MAN1A1: variants seen among roughly 807,000 people sequenced by gnomAD.
MAN1A1 encodes the protein mannosidase alpha class 1A member 1.
MAN1A1 carries 29 observed loss-of-function variants against 70.8 expected under a neutral mutation model. The ratio of observed to expected loss-of-function variants is 0.41; its 90% CI spans 0.31 to 0.56. The LOEUF (loss-of-function observed/expected upper bound fraction) is 0.56, where lower values mean the gene tolerates loss of function less well. Among genes scored for constraint, MAN1A1 ranks in the 20% least tolerant of loss-of-function variants. The probability of loss-of-function intolerance (pLI) is 0.29; values close to 1 mark genes in which losing one functional copy is unlikely to be tolerated. For synonymous variants in MAN1A1, 349 were observed against 330.1 expected (o/e 1.06, Z -0.62); for missense variants, 747 against 841.3 (o/e 0.89, Z 1.39).
intron 6 of MAN1A1, among the ~76,000 whole-genome samples, chr6:119,241,283 A>G (rs918474105): frequency 1.9e-4 from 29 of 152,292 alleles, no homozygotes; most frequent in African/African-American, 7.0e-4. Flanking sequence ...ACTATTAATG[A>G]AAGTAAACAA....
upstream of MAN1A1, among the ~76,000 whole-genome samples, chr6:119,349,997 A>G (rs1250565201): frequency 6.6e-6 from 1 of 151,944 alleles, no homozygotes; most frequent in East Asian, 1.9e-4. Flanking sequence ...CGCGGTGAGG[A>G]GGACGGTCGA....
At chr6:119,337,382 C>T (rs1773481906) in intron 2 of MAN1A1, among the ~76,000 whole-genome samples, 1 of 152,206 alleles carries the variant, frequency 6.6e-6, no homozygotes, top group Non-Finnish European at 1.5e-5. Context: ...CGAAATCACA[C>T]TTAACCTGAG....
intron 2 of MAN1A1, 145 bp from the exon 3 acceptor site, chr6:119,307,137 A>G: frequency 1.7e-6 from 1 of 578,194 alleles, no homozygotes; most frequent in Non-Finnish European, 3.1e-6. Context: ...GATTATATAA[A>G]CCAGAACACA....
intron 6 of MAN1A1, among the ~76,000 whole-genome samples, chr6:119,213,216 C>T (rs1774100814): frequency 6.6e-6 from 1 of 152,076 alleles, no homozygotes; most frequent in South Asian, 2.1e-4. Context: ...AAGTAATGCA[C>T]AAATAAAAAT....
intron 6 of MAN1A1, among the ~76,000 whole-genome samples, chr6:119,230,052 C>T (rs892903746): frequency 1.3e-5 from 2 of 152,106 alleles, no homozygotes; most frequent in Admixed American, 1.3e-4. Flanking sequence ...CAGATGATCT[C>T]AAATGAAATC....
intron 2 of MAN1A1, among the ~76,000 whole-genome samples, chr6:119,322,861 C>T (rs1773051463): frequency 1.3e-5 from 2 of 152,178 alleles, no homozygotes; most frequent in African/African-American, 4.8e-5. Flanking sequence ...AACTAGTTTT[C>T]AACCGCTACG....
chr6:119,310,240 C>G (rs747365209), intron 2 of MAN1A1, among the ~76,000 whole-genome samples: 1 of 152,208 alleles, frequency 6.6e-6, no homozygotes, highest in African/African-American at 2.4e-5. Flanking sequence ...TAGAACTACT[C>G]TTAGCAAATA....
intron 5 of MAN1A1, among the ~76,000 whole-genome samples, chr6:119,279,699 C>G (rs921680044): frequency 6.6e-6 from 1 of 152,194 alleles, no homozygotes; most frequent in African/African-American, 2.4e-5. Flanking sequence ...AATAAGTTAC[C>G]TACTTGTATT....
At chr6:119,227,178 C>T (rs1043914925) in intron 6 of MAN1A1, among the ~76,000 whole-genome samples, 5 of 152,112 alleles carry the variant, frequency 3.3e-5, no homozygotes, top group African/African-American at 1.2e-4. Context: ...CAGCAGAGTA[C>T]ATATTGCACA....
At chr6:119,252,918 AACT>A (rs1176410939) in intron 5 of MAN1A1, among the ~76,000 whole-genome samples, 1 of 152,164 alleles carries the variant, frequency 6.6e-6, no homozygotes, top group Admixed American at 6.5e-5. Context: ...ATCCTCTTAC[AACT>A]ACATCGGAAG....
chr6:119,190,859 A>C (rs1773422074), intron 9 of MAN1A1, among the ~76,000 whole-genome samples: 1 of 152,222 alleles, frequency 6.6e-6, no homozygotes, highest in Admixed American at 6.5e-5. Context: ...GCTAATCTCC[A>C]ATTACTCTAA....
chr6:119,303,163 T>G (rs981988095), intron 3 of MAN1A1, among the ~76,000 whole-genome samples: 1 of 152,082 alleles, frequency 6.6e-6, no homozygotes, highest in African/African-American at 2.4e-5. Context: ...GGATTATACG[T>G]GTGTGCCACC....
At chr6:119,256,065 G>T (rs1406120003) in intron 5 of MAN1A1, among the ~76,000 whole-genome samples, 2 of 152,066 alleles carry the variant, frequency 1.3e-5, no homozygotes, top group Non-Finnish European at 1.5e-5. Context: ...AAAGCACAGA[G>T]ATCTTCCCAA....
intron 5 of MAN1A1, among the ~76,000 whole-genome samples, chr6:119,250,495 A>G (rs763093281): frequency 6.6e-6 from 1 of 152,240 alleles, no homozygotes; most frequent in Non-Finnish European, 1.5e-5. Context: ...AAGTTATTAT[A>G]TTTAAAGACT....
intron 2 of MAN1A1, among the ~76,000 whole-genome samples, chr6:119,344,931 T>C (rs1773686549): frequency 6.6e-6 from 1 of 152,146 alleles, no homozygotes; most frequent in Non-Finnish European, 1.5e-5. Context: ...ACCCCACAGG[T>C]GCAGGGTCCT....
chr6:119,275,396 TC>T lies in MAN1A1; in HGVS notation c.897+15286del, dbSNP rs1185465150. Among the ~76,000 whole-genome samples the T allele has an allele frequency of 3.8e-5, 5 of 130,106 alleles. 1 individual carries two copies. The highest frequency in any genetic ancestry group is 1.4e-4 in the African/African-American group (5 of 34,676). The allele number at this position is 130,106 out of a possible 152,430, so 85.4% of individuals were successfully genotyped here. On this transcript the variant is annotated intron_variant, in intron 5 of 12. Coordinates refer to ENST00000368468, the MANE Select transcript of MAN1A1 (RefSeq NM_005907.4). ...ATCTCGGCTCACTGCAAGCTCCGCC[TC>T]CCGGGTTCACGCCATTCTCCTGCCT... is the stretch of plus-strand genomic sequence containing the variant.
intron 6 of MAN1A1, among the ~76,000 whole-genome samples, chr6:119,247,870 C>T (rs1775210035): frequency 6.6e-6 from 1 of 152,146 alleles, no homozygotes; most frequent in South Asian, 2.1e-4. Flanking sequence ...ATATTTCTGA[C>T]CAGTAGCTGA....
chr6:119,306,106 ATTTAAC>A (rs1359841744), intron 3 of MAN1A1, among the ~76,000 whole-genome samples: 1 of 152,250 alleles, frequency 6.6e-6, no homozygotes, highest in Non-Finnish European at 1.5e-5. Flanking sequence ...AATTGCTATT[ATTTAAC>A]ATTTTCAGTT....
intron 5 of MAN1A1, among the ~76,000 whole-genome samples, chr6:119,284,767 C>A (rs1386682326): frequency 6.6e-6 from 1 of 151,884 alleles, no homozygotes; most frequent in Non-Finnish European, 1.5e-5. Flanking sequence ...TTTAAATTTT[C>A]AAGTAGTTTT....
Sources: allele counts gnomAD v4.1 joint callset (sites outside exome capture counted in the v4.1 genomes callset), GRCh38; gene constraint gnomAD v4.1.1; transcripts MANE v1.5; gene names NCBI Gene and HGNC (gene_info 2026-07-23, HGNC 2026-07-21).